LRRK2: variants seen among roughly 807,000 people sequenced by gnomAD.
LRRK2 encodes the protein leucine-rich repeat serine/threonine-protein kinase 2.
In LRRK2, 203 loss-of-function variants were observed where a neutral mutation model predicts 302.6. The ratio of observed to expected loss-of-function variants is 0.67; its 90% CI spans 0.60 to 0.75. LRRK2 has a LOEUF of 0.75. Ranked by LOEUF, LRRK2 falls within the 30% of genes least tolerant of loss-of-function variation. The probability of loss-of-function intolerance (pLI) is 0.00; values close to 1 mark genes in which losing one functional copy is unlikely to be tolerated. For synonymous variants in LRRK2, 1,066 were observed against 1,031.9 expected (o/e 1.03, Z -0.63); for missense variants, 2,830 against 2,951.0 (o/e 0.96, Z 0.95).
At position 40,257,236 on chromosome 12, in the gene LRRK2, A is replaced by T. The variant is rs776630381; in HGVS notation, c.1289-12A>T. The T allele has an allele frequency of 5.3e-6, 8 of 1,520,110 alleles. No individual in the cohort carries two copies. The highest frequency in any genetic ancestry group is 7.3e-6 in the Non-Finnish European group (8 of 1,095,744). 94.2% of individuals were successfully genotyped at this position (1,520,110 alleles called of 1,614,324 possible). ...CTTTCATATCTATAAGTAACATTTTAAAAAATCTCAGTTAATTTCAGAAAA... is the reference window on the plus strand; with the variant it reads ...CTTTCATATCTATAAGTAACATTTTTAAAAATCTCAGTTAATTTCAGAAAA... On this transcript the variant is annotated splice_polypyrimidine_tract_variant and intron_variant, in intron 11 of 50. Transcript: ENST00000298910.
At chr12:40,270,657 A>G (rs1366598797) in intron 14 of LRRK2, among the ~76,000 whole-genome samples, 1 of 152,104 alleles carries the variant, frequency 6.6e-6, no homozygotes, top group East Asian at 1.9e-4. Flanking sequence ...CAGTGCTGAA[A>G]GGATTTTTTC....
At chr12:40,341,875 A>G (rs1257363045) in intron 41 of LRRK2, among the ~76,000 whole-genome samples, 1 of 152,204 alleles carries the variant, frequency 6.6e-6, no homozygotes, top group Non-Finnish European at 1.5e-5. Context: ...TCAAAACAAA[A>G]CAACAGAGCC....
At chr12:40,235,781 G>GTT in intron 4 of LRRK2, 67 bp downstream of exon 4, 1 of 634,310 alleles carries the variant, frequency 1.6e-6, no homozygotes, top group Non-Finnish European at 2.6e-6. Context: ...TTAAGTAAAT[G>GTT]TGTGTGTGTG....
Position 40,287,559 on chromosome 12 carries a change from AC to A in LRRK2, c.2689+23del, listed in dbSNP as rs1056597069. The A allele has an allele frequency of 1.9e-6, 3 of 1,608,128 alleles. No individual in the cohort carries two copies. The highest frequency in any genetic ancestry group is 2.6e-6 in the Non-Finnish European group (3 of 1,176,038). On this transcript the variant is annotated intron_variant, in intron 20 of 50. Transcript: ENST00000298910. ...GTGAAGGTATTTATTATAAAAAAAA[AC>A]CCTTTATGCTTTATATTTACACACT...
intron 39 of LRRK2, among the ~76,000 whole-genome samples, chr12:40,330,593 C>T (rs989450666): frequency 4.6e-5 from 7 of 151,822 alleles, no homozygotes; most frequent in Non-Finnish European, 8.8e-5. Context: ...TTATTATTTC[C>T]TCCCTAACAT....
intron 3 of LRRK2, among the ~76,000 whole-genome samples, chr12:40,233,796 A>G (rs1348484445): frequency 6.6e-6 from 1 of 152,212 alleles, no homozygotes; most frequent in East Asian, 1.9e-4. Flanking sequence ...AAATTACATA[A>G]AAGTTTATGT....
At chr12:40,286,946 A>C in intron 19 of LRRK2, among the ~76,000 whole-genome samples, 1 of 152,098 alleles carries the variant, frequency 6.6e-6, no homozygotes, top group South Asian at 2.1e-4. Flanking sequence ...CATCATTTCA[A>C]TTACTCTTTT....
intron 40 of LRRK2, among the ~76,000 whole-genome samples, chr12:40,339,249 A>G (rs1945965210): frequency 6.6e-6 from 1 of 152,196 alleles, no homozygotes; most frequent in Admixed American, 6.5e-5. Context: ...ATTTAACTCC[A>G]TTAAGTCTTG....
chr12:40,306,031 T>C, intron 28 of LRRK2, 65 bp downstream of exon 28: 1 of 1,219,624 alleles, frequency 8.2e-7, no homozygotes, highest in East Asian at 2.4e-5. Flanking sequence ...CTCTGTGACT[T>C]TGATGGACAT....
chr12:40,294,235 A>G (rs1228214859), intron 21 of LRRK2, among the ~76,000 whole-genome samples: 1 of 151,726 alleles, frequency 6.6e-6, no homozygotes, highest in East Asian at 1.9e-4. Flanking sequence ...TTAATTTTTT[A>G]GATACCTTTA....
intron 14 of LRRK2, among the ~76,000 whole-genome samples, chr12:40,264,481 T>G (rs189833923): frequency 6.6e-6 from 1 of 152,050 alleles, no homozygotes; most frequent in African/African-American, 2.4e-5. Context: ...TAACTGGGCA[T>G]GGTGGCACGT....
chr12:40,349,952 T>C (rs1238923678), intron 43 of LRRK2, among the ~76,000 whole-genome samples: 1 of 152,278 alleles, frequency 6.6e-6, no homozygotes, highest in Non-Finnish European at 1.5e-5. Flanking sequence ...ATGCAGTTCA[T>C]GGCTTGAGAT....
intron 38 of LRRK2, among the ~76,000 whole-genome samples, chr12:40,324,589 C>T (rs1302409913): frequency 6.6e-6 from 1 of 151,950 alleles, no homozygotes; most frequent in Non-Finnish European, 1.5e-5. Context: ...TCAAATTACC[C>T]CAGAAATAAT....
intron 2 of LRRK2, 86 bp downstream of exon 2, chr12:40,225,726 T>C: frequency 8.1e-7 from 1 of 1,241,566 alleles, no homozygotes; most frequent in South Asian, 1.3e-5. Flanking sequence ...AGCCGAGAGT[T>C]CTTGGTTATT....
intron 3 of LRRK2, among the ~76,000 whole-genome samples, chr12:40,235,011 T>A (rs1031768794): frequency 6.6e-6 from 1 of 152,310 alleles, no homozygotes; most frequent in African/African-American, 2.4e-5. Context: ...TGATTTTTTT[T>A]TATTTTTTTA....
chr12:40,275,192 A>C (rs1010048682), intron 16 of LRRK2, among the ~76,000 whole-genome samples, 199 bp downstream of exon 16: 2 of 152,230 alleles, frequency 1.3e-5, no homozygotes, highest in Non-Finnish European at 2.9e-5. Flanking sequence ...TGAAATCTCT[A>C]AAGTCAGCAT....
At chr12:40,232,572 A>C (rs1247119749) in intron 3 of LRRK2, 189 bp downstream of exon 3, 2 of 553,444 alleles carry the variant, frequency 3.6e-6, no homozygotes, top group Admixed American at 3.1e-5. Context: ...TGATTTAGAA[A>C]GCAAACATTT....
At chr12:40,346,191 T>G (rs1946187039) in intron 41 of LRRK2, among the ~76,000 whole-genome samples, 1 of 152,126 alleles carries the variant, frequency 6.6e-6, no homozygotes, top group South Asian at 2.1e-4. Flanking sequence ...AGAAGGCTTT[T>G]TTTTTTGTTT....
intron 24 of LRRK2, 127 bp from the exon 25 acceptor site, chr12:40,298,982 A>C (rs918789639): frequency 4.1e-6 from 3 of 739,518 alleles, no homozygotes; most frequent in Non-Finnish European, 6.1e-6. Context: ...TTACATTTTT[A>C]CAACTAATTT....
Sources: gnomAD v4.1 joint callset for allele counts (sites outside exome capture counted in the v4.1 genomes callset) on GRCh38, gnomAD v4.1.1 for gene constraint, MANE v1.5 for transcripts, NCBI Gene and HGNC (gene_info 2026-07-23, HGNC 2026-07-21) for gene names.